CREB5: variants seen among roughly 807,000 people sequenced by gnomAD.
The protein encoded by CREB5 is cAMP responsive element binding protein 5, also known as cyclic AMP-responsive element-binding protein 5.
Under a neutral mutation model 57.1 loss-of-function variants are expected in CREB5, and 19 were observed. That is an observed-to-expected ratio of 0.33 (90% confidence interval 0.23 to 0.49). CREB5 has a LOEUF of 0.49. CREB5 is among the 20% of genes least tolerant of loss of function. The probability of loss-of-function intolerance (pLI) is 0.99; values close to 1 mark genes in which losing one functional copy is unlikely to be tolerated. For missense variants in CREB5, 579 were observed against 671.6 expected, an observed-to-expected ratio of 0.86 and a Z score of 1.52; for synonymous variants, 238 against 238.3, an observed-to-expected ratio of 1.00 and a Z score of 0.01.
chr7:28,699,537 C>T (rs540082331), intron 5 of CREB5, among the ~76,000 whole-genome samples: 1 of 152,242 alleles, frequency 6.6e-6, no homozygotes, highest in Admixed American at 6.5e-5. Context: ...ACTCAGAAAA[C>T]CACTTTCAGT....
intron 5 of CREB5, among the ~76,000 whole-genome samples, chr7:28,625,854 T>C (rs1431104412): frequency 6.6e-6 from 1 of 152,214 alleles, no homozygotes; most frequent in Non-Finnish European, 1.5e-5. Flanking sequence ...TCATAGAGGA[T>C]CATCTATTTC....
At chr7:28,338,986 T>G (rs1270442197) in intron 1 of CREB5, among the ~76,000 whole-genome samples, 1 of 152,082 alleles carries the variant, frequency 6.6e-6, no homozygotes, top group African/African-American at 2.4e-5. Context: ...TTCATTCTCT[T>G]TGTTAAATTT....
At chr7:28,358,190 C>T (rs1362240811) in intron 1 of CREB5, among the ~76,000 whole-genome samples, 2 of 152,130 alleles carry the variant, frequency 1.3e-5, no homozygotes, top group African/African-American at 4.8e-5. Context: ...AGAACGGGGG[C>T]TTAAATATGC....
chr7:28,668,441 A>G (rs1196107463), intron 5 of CREB5, among the ~76,000 whole-genome samples: 1 of 152,182 alleles, frequency 6.6e-6, no homozygotes, highest in Non-Finnish European at 1.5e-5. Context: ...GTTTGTAACT[A>G]TACAGAATCC....
chr7:28,764,163 T>G (rs1369718971), intron 7 of CREB5, among the ~76,000 whole-genome samples: 1 of 152,148 alleles, frequency 6.6e-6, no homozygotes, highest in African/African-American at 2.4e-5. Flanking sequence ...GAAGAAGTTT[T>G]CTTCAAGGAC....
chr7:28,638,696 A>G (rs1391697632), intron 5 of CREB5, among the ~76,000 whole-genome samples: 1 of 152,156 alleles, frequency 6.6e-6, no homozygotes, highest in Non-Finnish European at 1.5e-5. Context: ...AATACAATTG[A>G]TATTATTATA....
At chr7:28,303,308 G>A (rs1161696168) in intron 1 of CREB5, among the ~76,000 whole-genome samples, 1 of 152,108 alleles carries the variant, frequency 6.6e-6, no homozygotes, top group Non-Finnish European at 1.5e-5. Flanking sequence ...TTGAAAATTT[G>A]GGCCCTCACT....
In CREB5 at chr7:28,824,413, A is replaced by ACTCT. The variant is rs1491336819; in HGVS notation, c.*5137_*5140dup. The ACTCT allele has an allele frequency of 6.6e-6, 1 of 152,544 alleles. No homozygotes were observed. The highest frequency in any genetic ancestry group is 2.4e-5 in the African/African-American group (1 of 41,418). 9.4% of individuals were successfully genotyped at this position (152,544 alleles called of 1,614,324 possible). The stretch of plus-strand genomic sequence containing the variant: ...CATCTGACTGTTGTCCTAGCCATAG[A>ACTCT]CTCTCTGAGGCCACTGAAAGAACAG... On this transcript the variant is annotated 3_prime_UTR_variant, in exon 11 of 11. Coordinates refer to ENST00000357727, the MANE Select transcript of CREB5 (RefSeq NM_182898.4).
At chr7:28,580,379 TG>T (rs142282781) in intron 5 of CREB5, among the ~76,000 whole-genome samples, 1 of 142,060 alleles carries the variant, frequency 7.0e-6, no homozygotes, top group Non-Finnish European at 1.5e-5. Context: ...TCTGTGTGTG[TG>T]GGGGGGGCAT....
chr7:28,479,368 C>T (rs763932191), intron 1 of CREB5, among the ~76,000 whole-genome samples: 1 of 152,150 alleles, frequency 6.6e-6, no homozygotes, highest in Non-Finnish European at 1.5e-5. Flanking sequence ...ATTGGTTTCA[C>T]GTATTTCCAA....
intron 1 of CREB5, among the ~76,000 whole-genome samples, chr7:28,362,314 T>A (rs1363062333): frequency 6.6e-6 from 1 of 152,224 alleles, no homozygotes; most frequent in Non-Finnish European, 1.5e-5. Flanking sequence ...TTATTTTTAA[T>A]TTAGGTTGTT....
intron 1 of CREB5, among the ~76,000 whole-genome samples, chr7:28,406,842 A>C (rs545118675): frequency 3.3e-5 from 5 of 152,184 alleles, no homozygotes; most frequent in Non-Finnish European, 5.9e-5. Context: ...TGCTTGGTCC[A>C]GATGACACAT....
At chr7:28,300,739 T>C (rs1785086235) in intron 1 of CREB5, among the ~76,000 whole-genome samples, 1 of 152,232 alleles carries the variant, frequency 6.6e-6, no homozygotes, top group African/African-American at 2.4e-5. Context: ...GATTTTTTTA[T>C]AGACTCATCT....
At chr7:28,305,183 C>G (rs914538482) in intron 1 of CREB5, among the ~76,000 whole-genome samples, 2 of 152,202 alleles carry the variant, frequency 1.3e-5, no homozygotes, top group African/African-American at 4.8e-5. Context: ...ATAGTCTCCC[C>G]TGTTCTTCTG....
intron 6 of CREB5, among the ~76,000 whole-genome samples, chr7:28,721,964 A>G (rs1186232236): frequency 6.6e-6 from 1 of 152,228 alleles, no homozygotes; most frequent in Admixed American, 6.5e-5. Context: ...TATTCAGCAA[A>G]GCCACTCCCA....
intron 5 of CREB5, among the ~76,000 whole-genome samples, chr7:28,687,929 G>C (rs1347374661): frequency 1.3e-5 from 2 of 152,192 alleles, no homozygotes; most frequent in African/African-American, 4.8e-5. Context: ...AGGTGGGCTA[G>C]AAGCTCCTCC....
At chr7:28,429,007 G>T (rs1788613859) in intron 1 of CREB5, among the ~76,000 whole-genome samples, 1 of 152,054 alleles carries the variant, frequency 6.6e-6, no homozygotes, top group South Asian at 2.1e-4. Context: ...TATTCCTTGT[G>T]TGATGTTTAG....
chr7:28,656,428 AT>A (rs2128709756), intron 5 of CREB5, among the ~76,000 whole-genome samples: 1 of 152,328 alleles, frequency 6.6e-6, no homozygotes, highest in East Asian at 1.9e-4. Flanking sequence ...CAACATTCTT[AT>A]GAACAACAAA....
Position 28,721,436 on chromosome 7 carries a change from G to A in CREB5, c.591+2557G>A, listed in dbSNP as rs578122325. Among the ~76,000 whole-genome samples the A allele has an allele frequency of 1.1e-4, 16 of 152,188 alleles. No individual in the cohort carries two copies. In the South Asian group the frequency reaches 2.9e-3, roughly 28 times the overall value. On this transcript the variant is annotated intron_variant, in intron 6 of 10. Transcript: ENST00000357727. ...AAACCTAGGCCCTTTCTTCCTTATCGTGTCACCAGTTCCTGTACTATAACT... is the reference window on the plus strand; with the variant it reads ...AAACCTAGGCCCTTTCTTCCTTATCATGTCACCAGTTCCTGTACTATAACT...
Sources: allele counts gnomAD v4.1 joint callset (sites outside exome capture counted in the v4.1 genomes callset), GRCh38; gene constraint gnomAD v4.1.1; transcripts MANE v1.5; gene names NCBI Gene and HGNC (gene_info 2026-07-23, HGNC 2026-07-21).